COL9A3: variants seen among roughly 807,000 people sequenced by gnomAD.
COL9A3 encodes the protein collagen alpha-3(IX) chain.
A neutral mutation model predicts 110.2 loss-of-function variants in COL9A3; 82 were observed. That is an observed-to-expected ratio of 0.74 (90% CI 0.62 to 0.89). The LOEUF is 0.89. Ranked by LOEUF, COL9A3 falls within the 40% of genes least tolerant of loss-of-function variation. The probability of loss-of-function intolerance (pLI) is 0.00; values close to 1 mark genes in which losing one functional copy is unlikely to be tolerated. For missense variants in COL9A3, 1,066 were observed against 981.3 expected (o/e 1.09, Z -1.15); for synonymous variants, 494 against 403.8 (o/e 1.22, Z -2.68).
chr20:62,836,369 G>A (rs761742623), intron 28 of COL9A3, 36 bp downstream of exon 28: 2 of 1,613,930 alleles, frequency 1.2e-6, no homozygotes, highest in Non-Finnish European at 1.7e-6. Flanking sequence ...GCTTTCACAG[G>A]GTTGAGATCG....
intron 12 of COL9A3, chr20:62,825,539 A>G (rs898241978): frequency 1.8e-6 from 1 of 564,250 alleles, no homozygotes; most frequent in Non-Finnish European, 3.2e-6. Flanking sequence ...TGCACATCAG[A>G]GGGGTCCCTG....
Position 62,836,292 on chromosome 20 carries a change from G to A in COL9A3, c.1507G>A (p.Val503Ile), listed in dbSNP as rs773871735. The change falls in exon 28 of 32, where the codon GTC (valine) becomes ATC (isoleucine). Residue 503 changes from valine to isoleucine, a missense_variant. By Grantham distance (29) the Val-to-Ile change is conservative (BLOSUM62 3). Transcript: ENST00000649368. The part of the protein sequence containing the change: ...GPPGPLGLQG[V>I]PGVPGITGKP... ...CCCCGGTCCTCTGGGCCTGCAGGGCGTCCCGGGTGTTCCTGGCATCACGGG... is the reference window on the plus strand; with the variant it reads ...CCCCGGTCCTCTGGGCCTGCAGGGCATCCCGGGTGTTCCTGGCATCACGGG... 8.7e-6 allele frequency: 14 copies of A among 1,613,736 alleles called. No individual in the cohort carries two copies. In the Admixed American group the frequency reaches 1.2e-4, roughly 13 times the overall value.
In COL9A3 at chr20:62,839,221, A is replaced by T. The variant is rs566203673; in HGVS notation, c.1864+460A>T. On this transcript the variant is annotated intron_variant, in intron 31 of 31. Transcript: ENST00000649368. ...CCTTCCAGCCTGGCGACAGAGCGAG[A>T]CTCCATCTCAAAAAAAAAAAAGTTT... Among the ~76,000 whole-genome samples, 19 of 143,350 alleles carry T rather than the reference A, an allele frequency of 1.3e-4. 1 individual carries two copies. Among genetic ancestry groups the T allele is most frequent in the African/African-American group, 4.9e-4 (19 of 39,114 alleles). 94.0% of individuals were successfully genotyped at this position (143,350 alleles called of 152,430 possible).
At chr20:62,820,409 C>G (rs1417065297) in intron 5 of COL9A3, among the ~76,000 whole-genome samples, 1 of 152,248 alleles carries the variant, frequency 6.6e-6, no homozygotes, top group African/African-American at 2.4e-5. Flanking sequence ...GGGTGCCTTT[C>G]TCCCCTTGTG....
intron 11 of COL9A3, 148 bp downstream of exon 11, chr20:62,824,649 G>A: frequency 1.1e-6 from 1 of 884,298 alleles, no homozygotes; most frequent in South Asian, 1.4e-5. Flanking sequence ...CAGCCTCCTT[G>A]TCCCGCCTTC....
intron 10 of COL9A3, among the ~76,000 whole-genome samples, chr20:62,822,897 A>T (rs2063522681): frequency 6.6e-6 from 1 of 152,198 alleles, no homozygotes; most frequent in African/African-American, 2.4e-5. Flanking sequence ...AGCTGTACAA[A>T]TGTAATGAAT....
At chr20:62,817,298 C>G (rs1175800505) in intron 1 of COL9A3, 156 bp downstream of exon 1, 5 of 530,922 alleles carry the variant, frequency 9.4e-6, no homozygotes, top group Admixed American at 4.6e-5. Context: ...GAGCCCCGTC[C>G]GGCCGCGTCC....
At chr20:62,821,043 G>A in intron 5 of COL9A3, 138 bp from the exon 6 acceptor site, 2 of 872,174 alleles carry the variant, frequency 2.3e-6, no homozygotes, top group Admixed American at 4.0e-5. Context: ...GGGCTCAGAG[G>A]CCCTGCCCCT....
At chr20:62,833,314 G>A (rs145515402) in intron 26 of COL9A3, among the ~76,000 whole-genome samples, 145 of 152,370 alleles carry the variant, frequency 9.5e-4, no homozygotes, top group Non-Finnish European at 1.7e-3. Flanking sequence ...GTGCTCAGAC[G>A]TGTGGGCTCC....
Position 62,822,130 on chromosome 20 carries a change from G to A in COL9A3, c.443G>A (p.Gly148Asp), listed in dbSNP as rs1203614073. 2 of 1,587,648 alleles carry A rather than the reference G, an allele frequency of 1.3e-6. No homozygotes were observed. Among genetic ancestry groups the A allele is most frequent in the Non-Finnish European group, 1.7e-6 (2 of 1,156,858 alleles). Residue 148 changes from glycine to aspartate, a missense_variant, in exon 9 of 32, where the codon GGC (glycine) becomes GAC (aspartate). Physicochemically the swap from Gly to Asp is moderately conservative, Grantham distance 94. Coordinates refer to ENST00000649368, the MANE Select transcript of COL9A3 (RefSeq NM_001853.4). ...RGPPGPSGLP[G>D]LPGPPGPPGP... is the part of the protein sequence containing the mutation. The stretch of plus-strand genomic sequence containing the variant: ...CCCCAGGGACCTTCTGGACTCCCCG[G>A]CCTCCCTGGTCCCCCAGGACCTCCC...
At chr20:62,821,705 T>C (rs1217833725) in intron 7 of COL9A3, 52 bp from the exon 8 acceptor site, 2 of 1,566,432 alleles carry the variant, frequency 1.3e-6, no homozygotes, top group Admixed American at 3.4e-5. Context: ...TGGGTGGGGA[T>C]CCTCGGGGCT....
chr20:62,819,374 C>G, intron 4 of COL9A3, 81 bp downstream of exon 4: 1 of 1,348,764 alleles, frequency 7.4e-7, no homozygotes, highest in East Asian at 2.4e-5. Flanking sequence ...TTGCTGTTGT[C>G]CAGCTGGGCC....
chr20:62,836,936 A>T, intron 29 of COL9A3, 147 bp from the exon 30 acceptor site: 1 of 1,065,268 alleles, frequency 9.4e-7, no homozygotes, highest in Non-Finnish European at 1.4e-6. Flanking sequence ...AGCATTCATC[A>T]CCCCAAAGCA....
chr20:62,833,293 G>T (rs528215430), intron 26 of COL9A3, among the ~76,000 whole-genome samples: 1 of 152,262 alleles, frequency 6.6e-6, no homozygotes, highest in South Asian at 2.1e-4. Context: ...TCTGGAGTCT[G>T]ACCTGACCCG....
intron 10 of COL9A3, among the ~76,000 whole-genome samples, 165 bp from the exon 11 acceptor site, chr20:62,824,280 C>CCA (rs756587175): frequency 2.8e-5 from 4 of 144,798 alleles, no homozygotes; most frequent in East Asian, 4.0e-4. Flanking sequence ...GGTCCCGTCA[C>CCA]TGATGCGGAG....
intron 31 of COL9A3, among the ~76,000 whole-genome samples, 197 bp from the exon 32 acceptor site, chr20:62,840,345 C>T (rs1265475824): frequency 6.6e-6 from 1 of 152,124 alleles, no homozygotes; most frequent in African/African-American, 2.4e-5. Context: ...CGCGCCTGGC[C>T]TTCCCCGGAC....
chr20:62,832,480 C>T (rs531941405), intron 25 of COL9A3, among the ~76,000 whole-genome samples: 1 of 152,262 alleles, frequency 6.6e-6, no homozygotes, highest in Non-Finnish European at 1.5e-5. Flanking sequence ...GCAACAGAAG[C>T]TGCTTCTAGT....
In COL9A3 at chr20:62,824,390, C is replaced by T. The variant is rs140997819; in HGVS notation, c.520-55C>T. The T allele has an allele frequency of 1.7e-3, 2,688 of 1,536,506 alleles. 2 individuals carry two copies. The highest frequency in any genetic ancestry group is 2.2e-3 in the Non-Finnish European group (2,515 of 1,135,082). ...GTCCCGCGGGCGCTGACCCCTGCGT[C>T]GGACGTCCTGCTCTGTTTGGCTGGG... On this transcript the variant is annotated intron_variant, in intron 10 of 31. Transcript: ENST00000649368.
At chr20:62,825,792 G>A (rs1010527210) in intron 12 of COL9A3, 25 bp from the exon 13 acceptor site, 1 of 1,551,224 alleles carries the variant, frequency 6.4e-7, no homozygotes, top group Admixed American at 2.0e-5. Flanking sequence ...CTGGGCCGCT[G>A]ACCACCCTAT....
Sources: allele counts gnomAD v4.1 joint callset (sites outside exome capture counted in the v4.1 genomes callset), GRCh38; gene constraint gnomAD v4.1.1; transcripts MANE v1.5; gene names NCBI Gene and HGNC (gene_info 2026-07-23, HGNC 2026-07-21).